The following DAGLA variants were observed in gnomAD, a reference collection of about 807,000 sequenced individuals.
DAGLA encodes diacylglycerol lipase-alpha.
A neutral mutation model predicts 102.6 loss-of-function variants in DAGLA; 22 were observed. The ratio of observed to expected loss-of-function variants is 0.21; its 90% CI spans 0.15 to 0.31. The LOEUF is 0.31. Ranked by LOEUF, DAGLA falls within the 10% of genes least tolerant of loss-of-function variation. The pLI is 1.00. For synonymous variants in DAGLA, 578 were observed against 628.9 expected (o/e 0.92, Z 1.21); for missense variants, 927 against 1,446.6 (o/e 0.64, Z 5.83).
chr11:61,697,747 C>CAT (rs1357116921), intron 1 of DAGLA, among the ~76,000 whole-genome samples: 13 of 152,226 alleles, frequency 8.5e-5, no homozygotes, highest in Admixed American at 6.5e-4. Context: ...GTGGTACAAT[C>CAT]ATAGCTCAGT....
intron 1 of DAGLA, among the ~76,000 whole-genome samples, chr11:61,703,714 GATGA>G (rs1231092750): frequency 6.7e-6 from 1 of 148,856 alleles, no homozygotes; most frequent in Non-Finnish European, 1.5e-5. Context: ...TGGATGGATG[GATGA>G]ATGGATTGTA....
chr11:61,695,976 G>A (rs1191758895), intron 1 of DAGLA, among the ~76,000 whole-genome samples: 1 of 152,162 alleles, frequency 6.6e-6, no homozygotes, highest in East Asian at 1.9e-4. Context: ...CTCCTTCCCC[G>A]CTGATGTTCA....
At chr11:61,697,690 T>C (rs2065078032) in intron 1 of DAGLA, among the ~76,000 whole-genome samples, 1 of 152,142 alleles carries the variant, frequency 6.6e-6, no homozygotes, top group Non-Finnish European at 1.5e-5. Context: ...TTATTATTTT[T>C]TTATTTTTTA....
At chr11:61,688,314 C>G (rs1033959217) in intron 1 of DAGLA, among the ~76,000 whole-genome samples, 1 of 73,378 alleles carries the variant, frequency 1.4e-5, no homozygotes, top group Admixed American at 1.6e-4. Context: ...AACTCTGTCT[C>G]AAAAAAAAAA....
chr11:61,696,852 G>A (rs1565248125), intron 1 of DAGLA, among the ~76,000 whole-genome samples: 1 of 152,100 alleles, frequency 6.6e-6, no homozygotes, highest in Non-Finnish European at 1.5e-5. Context: ...TGTGGAGTGT[G>A]CGGCTTGTGA....
intron 19 of DAGLA, among the ~76,000 whole-genome samples, chr11:61,742,636 G>A (rs939310901): frequency 2.6e-5 from 4 of 152,188 alleles, no homozygotes; most frequent in South Asian, 2.1e-4. Flanking sequence ...GAGGAGACCC[G>A]GATGAGGAAG....
At position 61,744,311 on chromosome 11, in the gene DAGLA, C is replaced by T. The variant is rs899372419; in HGVS notation, c.2951C>T (p.Ser984Leu). 4 of 1,612,694 alleles carry T rather than the reference C, an allele frequency of 2.5e-6. No individual in the cohort carries two copies. The South Asian group carries it at 3.3e-5, about 13-fold the overall frequency. ...RLFAGSADPS[S>L]GISLSPSFPL... ...TTTGCCGGCTCAGCCGACCCCTCCT[C>T]GGGCATCTCACTCTCGCCCTCCTTC... is the stretch of plus-strand genomic sequence containing the variant. Residue 984 changes from serine (S) to leucine (L), a missense_variant, in exon 20 of 20, where the codon TCG (serine) becomes TTG (leucine). Transcript: ENST00000257215.
At position 61,728,297 on chromosome 11, in the gene DAGLA, A is replaced by G. The variant is rs776920418; in HGVS notation, c.771+10A>G. ...CGCCGTGCTGGACGAGGTGAGCACC[A>G]CCAGCCCCTTCTCCAGGTCACCTCT... is the stretch of plus-strand genomic sequence containing the variant. On this transcript the variant is annotated intron_variant, in intron 7 of 19. Coordinates refer to ENST00000257215, the MANE Select transcript of DAGLA (RefSeq NM_006133.3). 6.2e-7 allele frequency: 1 copy of G among 1,607,888 alleles called. No homozygotes were observed.
intron 1 of DAGLA, among the ~76,000 whole-genome samples, chr11:61,704,318 C>G (rs1023635225): frequency 4.6e-5 from 7 of 152,094 alleles, no homozygotes; most frequent in African/African-American, 1.7e-4. Context: ...CGGGGTTTCA[C>G]CATGTTGGCC....
intron 1 of DAGLA, among the ~76,000 whole-genome samples, chr11:61,698,714 C>G (rs889832784): frequency 1.3e-5 from 2 of 152,210 alleles, no homozygotes; most frequent in African/African-American, 4.8e-5. Flanking sequence ...ATTTCTTGAG[C>G]AGCTGCTAGG....
intron 1 of DAGLA, among the ~76,000 whole-genome samples, chr11:61,681,137 G>A (rs1280121386): frequency 1.3e-5 from 2 of 152,166 alleles, no homozygotes; most frequent in African/African-American, 4.8e-5. Flanking sequence ...GAATGGGAAG[G>A]GTAAATGCCC....
At chr11:61,711,651 C>G (rs531000911) in intron 1 of DAGLA, among the ~76,000 whole-genome samples, 2 of 152,318 alleles carry the variant, frequency 1.3e-5, no homozygotes, top group African/African-American at 4.8e-5. Context: ...AATTGATTCC[C>G]AGGGAGTTGG....
intron 1 of DAGLA, among the ~76,000 whole-genome samples, chr11:61,689,892 TTCTCTGAG>T (rs1170811668): frequency 6.6e-6 from 1 of 152,158 alleles, no homozygotes; most frequent in Non-Finnish European, 1.5e-5. Flanking sequence ...CTTCCTCAGA[TTCTCTGAG>T]TCTCCCCGCA....
rs367663529 is a variant in DAGLA at position 61,739,347 on chromosome 11, T to C, written c.1657-118T>C. On this transcript the variant is annotated intron_variant, in intron 16 of 19. Transcript: ENST00000257215. ...TGGCCACTGCCCTTCCCCTGCCCCT[T>C]TGCCATCTTACTGCCCACCTCTCAC... 83 of 1,018,976 alleles carry C rather than the reference T, an allele frequency of 8.1e-5. 1 individual carries two copies. The East Asian group carries it at 1.6e-3, about 20-fold the overall frequency. 63.1% of individuals were successfully genotyped at this position (1,018,976 alleles called of 1,614,324 possible).
chr11:61,740,369 C>T, intron 17 of DAGLA, 94 bp from the exon 18 acceptor site: 2 of 1,496,002 alleles, frequency 1.3e-6, no homozygotes, highest in South Asian at 1.3e-5. Flanking sequence ...GCCAGCTCTG[C>T]TGAGCAGGGC....
chr11:61,742,178 TACAC>T (rs1189162889), intron 19 of DAGLA, among the ~76,000 whole-genome samples: 2 of 152,110 alleles, frequency 1.3e-5, no homozygotes, highest in African/African-American at 4.8e-5. Context: ...CCAGCTGACA[TACAC>T]AGACGTCTGG....
intron 5 of DAGLA, among the ~76,000 whole-genome samples, chr11:61,724,596 A>G (rs968171563): frequency 1.2e-4 from 18 of 152,284 alleles, no homozygotes; most frequent in Admixed American, 3.3e-4. Flanking sequence ...ACCCTCCTGC[A>G]CTGCTGTGTT....
At chr11:61,743,131 G>A (rs888795944) in intron 19 of DAGLA, among the ~76,000 whole-genome samples, 5 of 152,220 alleles carry the variant, frequency 3.3e-5, no homozygotes, top group South Asian at 4.1e-4. Flanking sequence ...TTGGGAGGCC[G>A]AGGCAGGCGG....
chr11:61,722,921 A>T lies in DAGLA; in HGVS notation c.370A>T (p.Thr124Ser). ...VGIVWLTQYY[T>S]SCNDLTAKNV... ...CATCGTCTGGCTCACTCAGTACTAC[A>T]CCTCCTGCAACGACCTCACTGCCAA... Residue 124 changes from threonine (T) to serine (S), a missense_variant, in exon 4 of 20, where the codon ACC becomes TCC. Thr to Ser is a moderately conservative substitution (Grantham distance 58). Coordinates refer to ENST00000257215, the MANE Select transcript of DAGLA (RefSeq NM_006133.3). 6.2e-7 allele frequency: 1 copy of T among 1,613,822 alleles called. No individual in the cohort carries two copies. Among genetic ancestry groups the T allele is most frequent in the South Asian group, 1.1e-5 (1 of 91,056 alleles).
Sources: allele counts gnomAD v4.1 joint callset (sites outside exome capture counted in the v4.1 genomes callset), GRCh38; gene constraint gnomAD v4.1.1; transcripts MANE v1.5; gene names NCBI Gene and HGNC (gene_info 2026-07-23, HGNC 2026-07-21).